SLC35D2: variants seen among roughly 807,000 people sequenced by gnomAD.
SLC35D2 encodes solute carrier family 35 member D2.
A neutral mutation model predicts 41.8 loss-of-function variants in SLC35D2; 43 were observed. That is an observed-to-expected ratio of 1.03 (90% CI 0.81 to 1.33). The LOEUF is 1.33. Ranked by LOEUF, SLC35D2 falls within the 40% of genes most tolerant of loss-of-function variation. The pLI is 0.00. For missense variants in SLC35D2, 380 were observed against 408.4 expected (o/e 0.93, Z 0.60); for synonymous variants, 150 against 163.9 (o/e 0.92, Z 0.65).
Position 96,383,578 on chromosome 9 carries a change from C to G in SLC35D2, c.57G>C (p.Ala19=). ...AEGAGGEPGA[A]RLPSRVARLL... The stretch of plus-strand genomic sequence containing the variant: ...GCCGGGCCACCCGCGAGGGCAGCCG[C>G]GCCGCGCCGGGCTCCCCGCCAGCGC... Residue 19 remains alanine, a synonymous_variant, in exon 1 of 12, where the codon GCG becomes GCC. Transcript: ENST00000253270. 6.8e-7 allele frequency: 1 copy of G among 1,469,516 alleles called. No homozygotes were observed. 91.0% of individuals were successfully genotyped at this position (1,469,516 alleles called of 1,614,324 possible).
chr9:96,343,015 C>G (rs535228396), intron 8 of SLC35D2, among the ~76,000 whole-genome samples: 1 of 152,208 alleles, frequency 6.6e-6, no homozygotes. Context: ...TGTCCGGAGT[C>G]GAGTCTGTGG....
At chr9:96,316,425 C>T (rs541318259), downstream of SLC35D2, among the ~76,000 whole-genome samples, 51 of 150,434 alleles carry the variant, frequency 3.4e-4, no homozygotes, top group Middle Eastern at 3.5e-3. Flanking sequence ...CCCTTGAACC[C>T]GGGAGGCAGA....
chr9:96,357,495 A>G (rs1171489360), intron 4 of SLC35D2: 1 of 152,206 alleles, frequency 6.6e-6, no homozygotes, highest in Non-Finnish European at 1.5e-5. Context: ...TGATTGCACC[A>G]GTGAAAGCTA....
intron 1 of SLC35D2, among the ~76,000 whole-genome samples, chr9:96,374,598 G>A (rs1830855650): frequency 6.6e-6 from 1 of 151,388 alleles, no homozygotes; most frequent in Non-Finnish European, 1.5e-5. Flanking sequence ...ACTTTGGGAG[G>A]ACGAGGCGGG....
chr9:96,333,368 G>T (rs766053910), intron 9 of SLC35D2, among the ~76,000 whole-genome samples: 1 of 151,206 alleles, frequency 6.6e-6, no homozygotes, highest in African/African-American at 2.4e-5. Context: ...AGGCTGAGGC[G>T]GGTGGACCAC....
chr9:96,316,180 C>T (rs1029365214), downstream of SLC35D2, among the ~76,000 whole-genome samples: 2 of 152,114 alleles, frequency 1.3e-5, no homozygotes, highest in African/African-American at 4.8e-5. Context: ...TGTCCATGAA[C>T]TCCAGGTTAA....
chr9:96,353,410 G>A (rs1163911572), intron 4 of SLC35D2, among the ~76,000 whole-genome samples: 1 of 152,032 alleles, frequency 6.6e-6, no homozygotes, highest in Non-Finnish European at 1.5e-5. Context: ...CTGGAGTGCA[G>A]TGGCGCGATC....
chr9:96,351,997 G>T, intron 5 of SLC35D2, 41 bp downstream of exon 5: 2 of 1,328,054 alleles, frequency 1.5e-6, no homozygotes, highest in Non-Finnish European at 2.2e-6. Flanking sequence ...AATGCAGTGG[G>T]TGGGAGGCAC....
In SLC35D2 at chr9:96,372,574, CTTTTTTTTT is replaced by C. The variant is rs71368250; in HGVS notation, c.159-4278_159-4270del. 2.7e-4 allele frequency among the ~76,000 whole-genome samples: 24 copies of C among 90,170 alleles called. No homozygotes were observed. The South Asian group carries it at 4.5e-3, about 17-fold the overall frequency. The allele number at this position is 90,170 out of a possible 152,430, so 59.2% of individuals were successfully genotyped here. ...TCTGAGCTAAATAATTAAATAATTA[CTTTTTTTTT>C]TTTTTTTTTTTTTTTTTTTGAGAAC... On this transcript the variant is annotated intron_variant, in intron 1 of 11. Coordinates refer to ENST00000253270, the MANE Select transcript of SLC35D2 (RefSeq NM_007001.3).
chr9:96,345,363 A>G lies in SLC35D2; in HGVS notation c.527T>C (p.Val176Ala). ...LAFNLEGYIF[V>A]FLNDIFTAAN... ...TGCTGTGAAGATATCATTCAGGAAT[A>G]CAAAAATATAGCCTTCTAAGTTAAA... The change falls in exon 7 of 12, where the codon GTA becomes GCA. Residue 176 changes from valine (V) to alanine (A), a missense_variant. Val to Ala is a moderately conservative substitution (Grantham distance 64, BLOSUM62 0). Coordinates refer to ENST00000253270, the MANE Select transcript of SLC35D2 (RefSeq NM_007001.3). The G allele has an allele frequency of 6.2e-7, 1 of 1,610,178 alleles. No individual in the cohort carries two copies. Among genetic ancestry groups the G allele is most frequent in the Non-Finnish European group, 8.5e-7 (1 of 1,177,378 alleles).
At chr9:96,361,392 T>A (rs1423366742) in intron 3 of SLC35D2, among the ~76,000 whole-genome samples, 1 of 152,148 alleles carries the variant, frequency 6.6e-6, no homozygotes, top group Non-Finnish European at 1.5e-5. Flanking sequence ...GGTGTCCCTA[T>A]ATGAAGAGAA....
rs1413174280 is a variant in SLC35D2 at position 96,329,229 on chromosome 9, T to TTA, written c.753-5062_753-5061dup. Among the ~76,000 whole-genome samples the TTA allele has an allele frequency of 3.9e-5, 6 of 152,116 alleles. 1 individual carries two copies. The East Asian group carries it at 1.2e-3, about 29-fold the overall frequency. ...TTTATATATATAAATACACACTTTT[T>TTA]TATATATATACTTTTTTTAGAGACA... On this transcript the variant is annotated intron_variant, in intron 9 of 11. Coordinates refer to ENST00000253270, the MANE Select transcript of SLC35D2 (RefSeq NM_007001.3).
downstream of SLC35D2, among the ~76,000 whole-genome samples, chr9:96,319,637 C>G (rs1044610647): frequency 6.6e-6 from 1 of 152,146 alleles, no homozygotes; most frequent in Non-Finnish European, 1.5e-5. Flanking sequence ...TCCCCAGTAG[C>G]TGGCATCAGA....
At chr9:96,363,168 ATT>A (rs1198865886) in intron 3 of SLC35D2, among the ~76,000 whole-genome samples, 24 of 131,324 alleles carry the variant, frequency 1.8e-4, no homozygotes, top group Admixed American at 2.3e-4. Context: ...CACCTGGCTT[ATT>A]TTTTTTTTTT....
intron 1 of SLC35D2, 82 bp from the exon 2 acceptor site, chr9:96,368,387 T>A: frequency 9.6e-7 from 1 of 1,037,410 alleles, no homozygotes; most frequent in Non-Finnish European, 1.4e-6. Flanking sequence ...GACAAGTTAT[T>A]AAACAATCTG....
intron 7 of SLC35D2, 97 bp downstream of exon 7, chr9:96,345,197 ATAAAT>A (rs2130913528): frequency 7.9e-6 from 5 of 629,148 alleles, no homozygotes; most frequent in Non-Finnish European, 1.4e-5. Context: ...GTCATATTAT[ATAAAT>A]TAAATTACAT....
At chr9:96,344,529 A>T (rs73536826) in intron 7 of SLC35D2, among the ~76,000 whole-genome samples, 15,228 of 69,522 alleles carry the variant, frequency 0.22, 1,968 homozygotes, top group South Asian at 0.53. Flanking sequence ...AAAAAAAAAA[A>T]GGCCATGCAG....
chr9:96,328,913 C>T (rs1007561654), intron 9 of SLC35D2, among the ~76,000 whole-genome samples: 4 of 152,018 alleles, frequency 2.6e-5, no homozygotes, highest in Admixed American at 6.6e-5. Flanking sequence ...CATGGTGAAA[C>T]CCCGTCTCTA....
intron 9 of SLC35D2, among the ~76,000 whole-genome samples, chr9:96,332,672 G>A (rs1483925843): frequency 6.6e-6 from 1 of 151,576 alleles, no homozygotes. Context: ...CCAGCTACTC[G>A]AGAGGCTGAG....
Sources: gnomAD v4.1 joint callset for allele counts (sites outside exome capture counted in the v4.1 genomes callset) on GRCh38, gnomAD v4.1.1 for gene constraint, MANE v1.5 for transcripts, NCBI Gene and HGNC (gene_info 2026-07-23, HGNC 2026-07-21) for gene names.